Variants in CLDN2 observed in about 807,000 individuals in gnomAD.
CLDN2 encodes the protein claudin 2, also known as claudin-2.
Under a neutral mutation model 8.2 loss-of-function variants are expected in CLDN2, and 1 was observed. The observed-to-expected ratio is 0.12, with a 90% CI of 0.04 to 0.58. The LOEUF (loss-of-function observed/expected upper bound fraction) is 0.58. Ranked by LOEUF, CLDN2 falls within the 20% of genes least tolerant of loss-of-function variation. The pLI, the probability that CLDN2 is intolerant of heterozygous loss-of-function variation, is 0.90. For synonymous variants in CLDN2, 70 were observed against 70.2 expected (o/e 1.00, Z 0.01); for missense variants, 108 against 172.9 (o/e 0.62, Z 2.11).
chrX:106,922,095 A>C (rs1262842942), intron 1 of CLDN2, among the ~76,000 whole-genome samples: 2 of 112,109 alleles, frequency 1.8e-5, no homozygotes, highest in Admixed American at 1.9e-4. Flanking sequence ...ACACAACAAG[A>C]AGCTAGATCT....
At chrX:106,924,201 G>A (rs1279174594) in intron 1 of CLDN2, among the ~76,000 whole-genome samples, 1 of 111,066 alleles carries the variant, frequency 9.0e-6, no homozygotes, top group Non-Finnish European at 1.9e-5. Flanking sequence ...GTGAAGAAGT[G>A]GAGACATCAA....
chrX:106,901,653 C>T, intron 1 of CLDN2: 1 of 733,529 alleles, frequency 1.4e-6, no homozygotes, highest in Non-Finnish European at 2.0e-6. Flanking sequence ...CCTTAGACAT[C>T]TCTGGGACCC....
intron 1 of CLDN2, among the ~76,000 whole-genome samples, chrX:106,921,477 T>C (rs1280244164): frequency 9.0e-6 from 1 of 111,364 alleles, no homozygotes; most frequent in East Asian, 2.8e-4. Context: ...TCAAGGGATA[T>C]AGAAATGAGG....
chrX:106,928,083 G>A lies in CLDN2; in HGVS notation c.-146G>A, dbSNP rs1191113016. ...AGATGCCTTCTTGAGGCTGCTTGTG[G>A]CCACCCACAGACACTTGTAAGGAGG... is the stretch of plus-strand genomic sequence containing the variant. On this transcript the variant is annotated 5_prime_UTR_variant, in exon 2 of 2. Coordinates refer to ENST00000336803, the MANE Select transcript of CLDN2 (RefSeq NM_020384.4). The A allele has an allele frequency of 2.3e-6, 1 of 435,329 alleles. No homozygotes were observed. Among genetic ancestry groups the A allele is most frequent in the Non-Finnish European group, 3.9e-6 (1 of 257,846 alleles). The allele number at this position is 435,329 out of a possible 1,213,427, so 35.9% of individuals were successfully genotyped here.
chrX:106,901,417 A>G, intron 1 of CLDN2: 3 of 1,073,925 alleles, frequency 2.8e-6, no homozygotes, highest in Non-Finnish European at 2.6e-6. Flanking sequence ...ACCTTTGTGA[A>G]GATTCAAAGA....
Position 106,900,950 on chromosome X carries a change from T to C in CLDN2, c.-179+446T>C, listed in dbSNP as rs376055059. Reference sequence around the variant, plus strand: ...AACATGGCCCCTAACAGGTGTCATATGTGCAGAGGGGCCAGTAGGGCCAAG... The same window carrying C: ...AACATGGCCCCTAACAGGTGTCATACGTGCAGAGGGGCCAGTAGGGCCAAG... On this transcript the variant is annotated intron_variant, in intron 1 of 1. Transcript: ENST00000541806. 12 of 1,172,239 alleles carry C rather than the reference T, an allele frequency of 1.0e-5. No homozygotes were observed. In the African/African-American group the frequency reaches 1.8e-4, roughly 17 times the overall value.
intron 1 of CLDN2, among the ~76,000 whole-genome samples, chrX:106,922,110 A>G (rs1316384921): frequency 8.9e-6 from 1 of 111,942 alleles, no homozygotes; most frequent in Non-Finnish European, 1.9e-5. Flanking sequence ...AGATCTTTTG[A>G]TTCTAACACC....
upstream of CLDN2, among the ~76,000 whole-genome samples, chrX:106,919,313 T>G (rs189948658): frequency 1.1e-4 from 12 of 111,952 alleles, no homozygotes; most frequent in East Asian, 3.1e-3. Flanking sequence ...TATAATTCAT[T>G]TTCTGAATTC....
At chrX:106,910,354 TTA>T (rs1457031659) in intron 1 of CLDN2, among the ~76,000 whole-genome samples, 1 of 111,370 alleles carries the variant, frequency 9.0e-6, no homozygotes, top group African/African-American at 3.3e-5. Context: ...TATTGTTTTA[TTA>T]TTGACTCCTC....
chrX:106,929,171 A>C lies in CLDN2; in HGVS notation c.*250A>C. The stretch of plus-strand genomic sequence containing the variant: ...CCTCACCTTGCTGCTCCCCTGCCCT[A>C]AGTCCCCAACCCTCAACTTGAAACC... On this transcript the variant is annotated 3_prime_UTR_variant, in exon 2 of 2. Transcript: ENST00000336803. The C allele has an allele frequency of 2.4e-6, 1 of 409,363 alleles. No individual in the cohort carries two copies. Among genetic ancestry groups the C allele is most frequent in the Admixed American group, 4.4e-5 (1 of 22,848 alleles). 33.7% of individuals were successfully genotyped at this position (409,363 alleles called of 1,213,427 possible).
intron 1 of CLDN2, chrX:106,903,405 G>T: frequency 1.3e-6 from 1 of 788,478 alleles, no homozygotes; most frequent in Non-Finnish European, 1.7e-6. Flanking sequence ...ATTCAGGGAG[G>T]ACAGGGGTGG....
rs1420501590 is a variant in CLDN2, at chrX:106,928,811, T to C, written c.583T>C (p.Tyr195His). 13 of 1,209,522 alleles carry C rather than the reference T, an allele frequency of 1.1e-5. No individual in the cohort carries two copies. The highest frequency in any genetic ancestry group is 1.5e-5 in the Non-Finnish European group (13 of 894,984). ...CSSQRNRSNY[Y>H]DAYQAQPLAT... Reference sequence around the variant, plus strand: ...ATCCCAGAGAAATCGCTCCAACTACTACGATGCCTACCAAGCCCAACCTCT... The same window carrying C: ...ATCCCAGAGAAATCGCTCCAACTACCACGATGCCTACCAAGCCCAACCTCT... Residue 195 changes from tyrosine to histidine, a missense_variant, in exon 2 of 2, where the codon TAC becomes CAC. Coordinates refer to ENST00000336803, the MANE Select transcript of CLDN2 (RefSeq NM_020384.4).
In CLDN2 at chrX:106,929,180, A is replaced by G. The variant is rs1269010559; in HGVS notation, c.*259A>G. 2 of 393,943 alleles carry G rather than the reference A, an allele frequency of 5.1e-6. No individual in the cohort carries two copies. Among genetic ancestry groups the G allele is most frequent in the Non-Finnish European group, 9.0e-6 (2 of 222,081 alleles). 32.5% of individuals were successfully genotyped at this position (393,943 alleles called of 1,213,427 possible). On this transcript the variant is annotated 3_prime_UTR_variant, in exon 2 of 2. Transcript: ENST00000336803. ...GCTGCTCCCCTGCCCTAAGTCCCCA[A>G]CCCTCAACTTGAAACCCCATTCCCT...
At chrX:106,901,734 T>G (rs959708386) in intron 1 of CLDN2, among the ~76,000 whole-genome samples, 1 of 110,899 alleles carries the variant, frequency 9.0e-6, no homozygotes, top group Admixed American at 9.5e-5. Context: ...GCAGACAGAG[T>G]CCTGCGGGTT....
chrX:106,901,478 C>G, intron 1 of CLDN2: 2 of 1,211,037 alleles, frequency 1.7e-6, no homozygotes, highest in Non-Finnish European at 2.2e-6. Flanking sequence ...GCTTACCTGA[C>G]AGGGTGATGG....
upstream of CLDN2, among the ~76,000 whole-genome samples, chrX:106,914,126 C>T (rs964830005): frequency 4.6e-5 from 5 of 107,812 alleles, no homozygotes; most frequent in Non-Finnish European, 9.6e-5. Flanking sequence ...CTAATTTTTG[C>T]ATTTTTAATA....
intron 1 of CLDN2, among the ~76,000 whole-genome samples, chrX:106,901,118 T>G (rs1049005094): frequency 8.9e-6 from 1 of 112,223 alleles, no homozygotes; most frequent in Non-Finnish European, 1.9e-5. Context: ...GGACCTATAG[T>G]GGTTGGGTCG....
chrX:106,907,351 A>G (rs370360899), intron 1 of CLDN2, among the ~76,000 whole-genome samples: 31 of 111,964 alleles, frequency 2.8e-4, no homozygotes, highest in East Asian at 2.5e-3. Context: ...ATGTTTTCAC[A>G]GCAAAATGAG....
At chrX:106,914,674 G>GT (rs745306984), upstream of CLDN2, among the ~76,000 whole-genome samples, 5 of 111,562 alleles carry the variant, frequency 4.5e-5, no homozygotes, top group East Asian at 1.4e-3. Flanking sequence ...ATGTTATAAT[G>GT]TAATAGGTTT....
Sources: allele counts gnomAD v4.1 joint callset (sites outside exome capture counted in the v4.1 genomes callset), GRCh38; gene constraint gnomAD v4.1.1; transcripts MANE v1.5; gene names NCBI Gene and HGNC (gene_info 2026-07-23, HGNC 2026-07-21).